The following PRDM11 variants were observed in gnomAD, a reference collection of about 807,000 sequenced individuals.
The protein encoded by PRDM11 is PR/SET domain 11.
PRDM11 carries 20 observed loss-of-function variants against 97.8 expected under a neutral mutation model. The ratio of observed to expected loss-of-function variants is 0.20; its 90% CI spans 0.14 to 0.30. PRDM11 has a LOEUF of 0.30. Ranked by LOEUF, PRDM11 falls within the 10% of genes least tolerant of loss-of-function variation. The pLI, the probability that PRDM11 is intolerant of heterozygous loss-of-function variation, is 1.00. For missense variants in PRDM11, 1,139 were observed against 1,555.2 expected, an observed-to-expected ratio of 0.73 and a Z score of 4.50; for synonymous variants, 599 against 637.7, an observed-to-expected ratio of 0.94 and a Z score of 0.91.
At chr11:45,146,370 A>G (rs929241219), upstream of PRDM11, among the ~76,000 whole-genome samples, 1 of 152,184 alleles carries the variant, frequency 6.6e-6, no homozygotes, top group Non-Finnish European at 1.5e-5. Context: ...CTGACCCCAA[A>G]AAAGTATCCC....
chr11:45,110,282 A>G (rs1477371963), intron 1 of PRDM11, among the ~76,000 whole-genome samples: 1 of 151,880 alleles, frequency 6.6e-6, no homozygotes, highest in Non-Finnish European at 1.5e-5. Flanking sequence ...TCGGAGCCAG[A>G]AAAATGAGAG....
intron 1 of PRDM11, among the ~76,000 whole-genome samples, chr11:45,118,128 A>G (rs1160239272): frequency 6.6e-6 from 1 of 152,192 alleles, no homozygotes; most frequent in Non-Finnish European, 1.5e-5. Context: ...AGAGAAGGAA[A>G]AGAAGTCTTT....
intron 5 of PRDM11, chr11:45,212,903 G>A: frequency 2.4e-6 from 1 of 419,656 alleles, no homozygotes; most frequent in Non-Finnish European, 4.8e-6. Flanking sequence ...ATCTCAGCGG[G>A]GGCCAGAAGG....
At chr11:45,129,664 T>G (rs1852675862) in intron 1 of PRDM11, among the ~76,000 whole-genome samples, 1 of 152,134 alleles carries the variant, frequency 6.6e-6, no homozygotes, top group Admixed American at 6.5e-5. Context: ...ACACTTCATG[T>G]TTACAGATTG....
intron 1 of PRDM11, among the ~76,000 whole-genome samples, chr11:45,098,142 G>A (rs1305428526): frequency 6.6e-6 from 1 of 152,228 alleles, no homozygotes. Flanking sequence ...AGAGTATCAG[G>A]CCCAGTGACT....
chr11:45,099,705 T>C (rs1851940842), intron 1 of PRDM11, among the ~76,000 whole-genome samples: 1 of 152,208 alleles, frequency 6.6e-6, no homozygotes, highest in African/African-American at 2.4e-5. Context: ...TTATTCTTTG[T>C]GTTATAAACA....
chr11:45,207,776 C>T (rs1853569777), intron 5 of PRDM11, among the ~76,000 whole-genome samples: 1 of 152,200 alleles, frequency 6.6e-6, no homozygotes, highest in Non-Finnish European at 1.5e-5. Context: ...GCCTTCTTCC[C>T]ATCTTCTGGG....
At chr11:45,127,488 T>C (rs1383889275) in intron 1 of PRDM11, among the ~76,000 whole-genome samples, 1 of 151,176 alleles carries the variant, frequency 6.6e-6, no homozygotes. Flanking sequence ...TGGTCTTTGA[T>C]GATGGTGATG....
At chr11:45,125,749 T>C (rs1220321131) in intron 1 of PRDM11, among the ~76,000 whole-genome samples, 1 of 152,188 alleles carries the variant, frequency 6.6e-6, no homozygotes, top group Non-Finnish European at 1.5e-5. Flanking sequence ...TGAGGAGTGC[T>C]TTACTTCCAA....
At chr11:45,137,951 C>A (rs995784785) in intron 1 of PRDM11, among the ~76,000 whole-genome samples, 1 of 152,188 alleles carries the variant, frequency 6.6e-6, no homozygotes, top group Admixed American at 6.5e-5. Context: ...CATACACACA[C>A]ATACACACAC....
intron 1 of PRDM11, among the ~76,000 whole-genome samples, chr11:45,129,989 C>T (rs550765917): frequency 2.0e-5 from 3 of 152,264 alleles, no homozygotes; most frequent in African/African-American, 7.2e-5. Flanking sequence ...ACATGGTCAA[C>T]TGATTTTTGA....
chr11:45,142,015 A>T (rs1183463326), upstream of PRDM11, among the ~76,000 whole-genome samples: 1 of 152,206 alleles, frequency 6.6e-6, no homozygotes, highest in Non-Finnish European at 1.5e-5. Context: ...GCCAGAAAAA[A>T]AGACACACGT....
At chr11:45,125,185 A>AT in intron 1 of PRDM11, among the ~76,000 whole-genome samples, 1 of 151,856 alleles carries the variant, frequency 6.6e-6, no homozygotes, top group East Asian at 1.9e-4. Context: ...CGGTGGTGAT[A>AT]TCCCCTTTAT....
At chr11:45,158,208 T>C (rs1045013214) in intron 1 of PRDM11, among the ~76,000 whole-genome samples, 7 of 152,230 alleles carry the variant, frequency 4.6e-5, no homozygotes, top group Admixed American at 4.6e-4. Flanking sequence ...TGACCTGCCC[T>C]GTCCCAGGGC....
intron 1 of PRDM11, among the ~76,000 whole-genome samples, chr11:45,126,940 T>C (rs559863916): frequency 4.0e-4 from 61 of 152,368 alleles, no homozygotes; most frequent in Non-Finnish European, 4.6e-4. Context: ...GTTTTCCAAC[T>C]TGGTTCCATT....
upstream of PRDM11, among the ~76,000 whole-genome samples, chr11:45,142,825 C>G (rs981925061): frequency 7.9e-5 from 12 of 152,288 alleles, no homozygotes; most frequent in Admixed American, 7.2e-4. Flanking sequence ...TAACATGAGG[C>G]CTGTGGAATC....
chr11:45,178,377 G>A (rs1422576159), intron 1 of PRDM11, among the ~76,000 whole-genome samples: 6 of 152,096 alleles, frequency 3.9e-5, no homozygotes, highest in Non-Finnish European at 8.8e-5. Flanking sequence ...CCAACTTATC[G>A]TCAGAATCCG....
In PRDM11 at chr11:45,228,550, G is replaced by A. The variant is rs972730437; in HGVS notation, c.*391G>A. ...TCATTTTGTTTATGTTTTCATTTGC[G>A]GGTGGCGGGGCTCTGGGTTTGGGTT... On this transcript the variant is annotated 3_prime_UTR_variant, in exon 8 of 8. Transcript: ENST00000683152. 14 of 151,896 alleles carry A rather than the reference G, an allele frequency of 9.2e-5. No individual in the cohort carries two copies. Among genetic ancestry groups the A allele is most frequent in the African/African-American group, 2.9e-4 (12 of 41,348 alleles). The allele number at this position is 151,896 out of a possible 1,614,324, so 9.4% of individuals were successfully genotyped here. A position where few individuals can be genotyped will look rare whatever the true frequency, so the allele number is the denominator to read the frequency against.
chr11:45,197,765 G>T (rs60749877), intron 4 of PRDM11, among the ~76,000 whole-genome samples: 1 of 151,996 alleles, frequency 6.6e-6, no homozygotes, highest in Non-Finnish European at 1.5e-5. Flanking sequence ...GCAAACTATC[G>T]CAAGGACAGA....
Sources: allele counts gnomAD v4.1 joint callset (sites outside exome capture counted in the v4.1 genomes callset), GRCh38; gene constraint gnomAD v4.1.1; transcripts MANE v1.5; gene names NCBI Gene and HGNC (gene_info 2026-07-23, HGNC 2026-07-21).